KIAA2012: variants seen among roughly 807,000 people sequenced by gnomAD.
The protein encoded by KIAA2012 is KIAA2012, also known as uncharacterized protein KIAA2012.
In KIAA2012, 125 loss-of-function variants were observed where a neutral mutation model predicts 150.6. That is an observed-to-expected ratio of 0.83 (90% CI 0.72 to 0.96). The LOEUF (loss-of-function observed/expected upper bound fraction) is 0.96, where lower values mean the gene tolerates loss of function less well. KIAA2012 is among the 40% of genes least tolerant of loss of function. KIAA2012 has a pLI of 0.00. For missense variants in KIAA2012, 1,219 were observed against 1,354.9 expected (o/e 0.90, Z 1.57); for synonymous variants, 462 against 504.7 (o/e 0.92, Z 1.13).
chr2:202,156,506 T>G (rs1270611554), intron 14 of KIAA2012, among the ~76,000 whole-genome samples: 1 of 152,122 alleles, frequency 6.6e-6, no homozygotes, highest in Non-Finnish European at 1.5e-5. Context: ...CAGACCAAGA[T>G]CCCTACCCTG....
chr2:202,169,746 G>A (rs965139982), intron 15 of KIAA2012, among the ~76,000 whole-genome samples: 3 of 152,184 alleles, frequency 2.0e-5, no homozygotes, highest in South Asian at 2.1e-4. Flanking sequence ...CAAGTGATTC[G>A]TATGCCCACT....
chr2:202,100,117 T>C (rs1690002827), intron 6 of KIAA2012, among the ~76,000 whole-genome samples, 190 bp from the exon 7 acceptor site: 1 of 152,208 alleles, frequency 6.6e-6, no homozygotes, highest in Non-Finnish European at 1.5e-5. Flanking sequence ...CATAAGGCTA[T>C]TGTGTAAAAA....
rs559741848 is a variant in KIAA2012, at chr2:202,200,707, C to CCTTTTT, written c.3408-1722_3408-1721insCTTTTT. Among the ~76,000 whole-genome samples the CCTTTTT allele has an allele frequency of 1.0e-3, 125 of 124,272 alleles. 2 individuals are homozygous for CCTTTTT. The highest frequency in any genetic ancestry group is 3.6e-3 in the African/African-American group (119 of 32,718). 81.5% of individuals were successfully genotyped at this position (124,272 alleles called of 152,430 possible). A position where few individuals can be genotyped will look rare whatever the true frequency, so the allele number is the denominator to read the frequency against. ...AAGACCAATCAGAATAATTTTGGAA[C>CCTTTTT]TTTTTTTTTTTTTTTGGTGACGGAG... On this transcript the variant is annotated intron_variant, in intron 22 of 23. Coordinates refer to ENST00000498697, the MANE Select transcript of KIAA2012 (RefSeq NM_001277372.4).
At chr2:202,138,972 C>T (rs950765215) in intron 13 of KIAA2012, among the ~76,000 whole-genome samples, 14 of 152,200 alleles carry the variant, frequency 9.2e-5, no homozygotes, top group Admixed American at 9.2e-4. Flanking sequence ...CACAGTGGCT[C>T]ATGCCTGCAA....
chr2:202,154,657 C>T lies in KIAA2012; in HGVS notation c.1909-16C>T. 1 of 1,523,250 alleles carries T rather than the reference C, an allele frequency of 6.6e-7. No individual in the cohort carries two copies. Among genetic ancestry groups the T allele is most frequent in the South Asian group, 1.3e-5 (1 of 79,094 alleles). The allele number at this position is 1,523,250 out of a possible 1,614,324, so 94.4% of individuals were successfully genotyped here. ...TCATTCATATGAAAGTTCGGGCTTTCTGCTTCTCTTCACAGGGAGCCCAGC... is the reference window on the plus strand; with the variant it reads ...TCATTCATATGAAAGTTCGGGCTTTTTGCTTCTCTTCACAGGGAGCCCAGC... On this transcript the variant is annotated splice_polypyrimidine_tract_variant and intron_variant, in intron 13 of 23. Coordinates refer to ENST00000498697, the MANE Select transcript of KIAA2012 (RefSeq NM_001277372.4).
At position 202,184,733 on chromosome 2, in the gene KIAA2012, T is replaced by G; in HGVS notation, c.2120-20T>G. 1 of 1,503,590 alleles carries G rather than the reference T, an allele frequency of 6.7e-7. No individual in the cohort carries two copies. Among genetic ancestry groups the G allele is most frequent in the Non-Finnish European group, 8.9e-7 (1 of 1,125,020 alleles). 93.1% of individuals were successfully genotyped at this position (1,503,590 alleles called of 1,614,324 possible). ...ATAACTGCCTGTTGTCCTTTATTGATTGATACTCTGTTTTCACAGACCCAG... is the reference window on the plus strand; with the variant it reads ...ATAACTGCCTGTTGTCCTTTATTGAGTGATACTCTGTTTTCACAGACCCAG... On this transcript the variant is annotated intron_variant, in intron 15 of 23. Transcript: ENST00000498697.
chr2:202,178,444 G>A (rs1040937362), intron 15 of KIAA2012, among the ~76,000 whole-genome samples: 2 of 151,878 alleles, frequency 1.3e-5, no homozygotes, highest in African/African-American at 4.8e-5. Context: ...CCCTTCTATG[G>A]CCCACATCCC....
chr2:202,119,108 C>T (rs1282230659), intron 11 of KIAA2012, among the ~76,000 whole-genome samples: 1 of 152,084 alleles, frequency 6.6e-6, no homozygotes, highest in African/African-American at 2.4e-5. Context: ...CCTGACTCTA[C>T]TAAAAATACA....
intron 13 of KIAA2012, among the ~76,000 whole-genome samples, chr2:202,149,156 C>A (rs543981424): frequency 6.6e-6 from 1 of 152,190 alleles, no homozygotes; most frequent in African/African-American, 2.4e-5. Flanking sequence ...TCCCCTACCC[C>A]CAGTGACTAA....
intron 12 of KIAA2012, among the ~76,000 whole-genome samples, chr2:202,132,800 A>ATTT (rs1267750024): frequency 2.6e-5 from 2 of 78,030 alleles, no homozygotes; most frequent in African/African-American, 1.1e-4. Context: ...ATATATATAT[A>ATTT]TATTTTTTTT....
chr2:202,143,701 C>A (rs187996156), intron 13 of KIAA2012, among the ~76,000 whole-genome samples: 101 of 152,158 alleles, frequency 6.6e-4, no homozygotes, highest in African/African-American at 2.4e-3. Flanking sequence ...TGAACGGGGT[C>A]AACACCATAG....
chr2:202,120,024 C>T (rs538635938), intron 11 of KIAA2012, among the ~76,000 whole-genome samples: 39 of 152,298 alleles, frequency 2.6e-4, no homozygotes, highest in African/African-American at 7.5e-4. Context: ...TTGCCTGCTG[C>T]TATCCATGTA....
rs1281123624 is a variant in KIAA2012, at chr2:202,132,780, A to G, written c.1832-5652A>G. On this transcript the variant is annotated intron_variant, in intron 12 of 23. Coordinates refer to ENST00000498697, the MANE Select transcript of KIAA2012 (RefSeq NM_001277372.4). ...TGTATATATATACATATATACATAT[A>G]TATATGCGTATATATATATATATTT... Among the ~76,000 whole-genome samples, 190 of 52,680 alleles carry G rather than the reference A, an allele frequency of 3.6e-3. 8 individuals are homozygous for G. Among genetic ancestry groups the G allele is most frequent in the African/African-American group, 0.014 (185 of 13,592 alleles). 34.6% of individuals were successfully genotyped at this position (52,680 alleles called of 152,430 possible). A position where few individuals can be genotyped will look rare whatever the true frequency, so the allele number is the denominator to read the frequency against.
chr2:202,150,906 T>C (rs1468521886), intron 13 of KIAA2012, among the ~76,000 whole-genome samples: 3 of 152,214 alleles, frequency 2.0e-5, no homozygotes, highest in African/African-American at 7.2e-5. Context: ...CCTTGACTCC[T>C]GATCACTATT....
intron 11 of KIAA2012, chr2:202,116,014 G>T (rs1230090565): frequency 6.6e-6 from 1 of 152,140 alleles, no homozygotes; most frequent in Admixed American, 6.5e-5. Flanking sequence ...GAAAGGAAAA[G>T]TTAACTTAGA....
rs1689996929 is a variant in KIAA2012, at chr2:202,099,809, A to G, written c.1012+13A>G. The G allele has an allele frequency of 3.2e-6, 5 of 1,542,148 alleles. No homozygotes were observed. The East Asian group carries it at 1.2e-4, about 38-fold the overall frequency. On this transcript the variant is annotated intron_variant, in intron 6 of 23. Transcript: ENST00000498697. Reference sequence around the variant, plus strand: ...GCAGATCTCAGCGGTAAGAACTCAAATGTCTTGCTCATTGATCTGGGTAAA... The same window carrying G: ...GCAGATCTCAGCGGTAAGAACTCAAGTGTCTTGCTCATTGATCTGGGTAAA...
chr2:202,099,626 A>C lies in KIAA2012; in HGVS notation c.842A>C (p.Glu281Ala), dbSNP rs1456961092. The change falls in exon 6 of 24, where the codon GAG becomes GCG. Residue 281 changes from glutamate (E) to alanine (A), a missense_variant. Coordinates refer to ENST00000498697, the MANE Select transcript of KIAA2012 (RefSeq NM_001277372.4). ...DETQAEDTSI[E>A]NHLCLYASKE... Reference sequence around the variant, plus strand: ...GTCGTTCCCTAGGACACGTCAATAGAGAATCACCTTTGTTTATATGCTTCA... The same window carrying C: ...GTCGTTCCCTAGGACACGTCAATAGCGAATCACCTTTGTTTATATGCTTCA... The C allele has an allele frequency of 6.5e-7, 1 of 1,550,000 alleles. No individual in the cohort carries two copies.
intron 2 of KIAA2012, among the ~76,000 whole-genome samples, chr2:202,082,174 G>T (rs924214451): frequency 3.9e-5 from 6 of 151,926 alleles, no homozygotes; most frequent in Non-Finnish European, 8.8e-5. Flanking sequence ...GGGTTGTTTG[G>T]TTTTTTGTCA....
In KIAA2012 at chr2:202,186,934, G is replaced by C; in HGVS notation, c.2212G>C (p.Gly738Arg). 1.3e-6 allele frequency: 2 copies of C among 1,550,188 alleles called. No individual in the cohort carries two copies. The highest frequency in any genetic ancestry group is 1.2e-5 in the South Asian group (1 of 83,972). Residue 738 changes from glycine to arginine, a missense_variant and splice_region_variant, in exon 17 of 24, where the codon GGC becomes CGC. Gly to Arg is a moderately radical substitution (Grantham distance 125, BLOSUM62 -2). Coordinates refer to ENST00000498697, the MANE Select transcript of KIAA2012 (RefSeq NM_001277372.4). Reference protein sequence around the residue: ...TPEADIVQKVGRDYDVHHLHR... With the variant: ...TPEADIVQKVRRDYDVHHLHR... Reference sequence around the variant, plus strand: ...CCTGTTGGTTTGCTCTTTTCAAAGGGGCAGAGATTATGATGTACACCACCT... The same window carrying C: ...CCTGTTGGTTTGCTCTTTTCAAAGGCGCAGAGATTATGATGTACACCACCT...
Sources: allele counts gnomAD v4.1 joint callset (sites outside exome capture counted in the v4.1 genomes callset), GRCh38; gene constraint gnomAD v4.1.1; transcripts MANE v1.5; gene names NCBI Gene and HGNC (gene_info 2026-07-23, HGNC 2026-07-21).